The following ULK2 variants were observed in gnomAD, a reference collection of about 807,000 sequenced individuals.
ULK2 encodes the protein unc-51 like autophagy activating kinase 2.
A neutral mutation model predicts 127.5 loss-of-function variants in ULK2; 76 were observed. The observed-to-expected ratio is 0.60, with a 90% CI of 0.50 to 0.72. ULK2 has a LOEUF of 0.72. Ranked by LOEUF, ULK2 falls within the 30% of genes least tolerant of loss-of-function variation. The pLI, the probability that ULK2 is intolerant of heterozygous loss-of-function variation, is 0.00. For missense variants in ULK2, 1,144 were observed against 1,295.9 expected (o/e 0.88, Z 1.80); for synonymous variants, 452 against 461.9 (o/e 0.98, Z 0.28).
Position 19,855,037 on chromosome 17 carries a change from T to C in ULK2, c.226-5263A>G, listed in dbSNP as rs1597816464. 6.0e-5 allele frequency among the ~76,000 whole-genome samples: 9 copies of C among 149,638 alleles called. No homozygotes were observed. The South Asian group carries it at 1.9e-3, about 32-fold the overall frequency. On this transcript the variant is annotated intron_variant, in intron 3 of 26. Coordinates refer to ENST00000395544, the MANE Select transcript of ULK2 (RefSeq NM_014683.4). ...ATTGCTTGAACCCAGGAAGCAGAGG[T>C]TGCAGTGAGCTGAGAGTGCGCCACT...
At chr17:19,865,851 C>T (rs767865506) in intron 1 of ULK2, 23 bp from the exon 2 acceptor site, 24 of 1,374,716 alleles carry the variant, frequency 1.7e-5, no homozygotes, top group Middle Eastern at 1.8e-4. Context: ...AACAGTGTTA[C>T]TCCTAGATAC....
At chr17:19,841,598 C>G in intron 8 of ULK2, 51 bp from the exon 9 acceptor site, 1 of 1,414,384 alleles carries the variant, frequency 7.1e-7, no homozygotes, top group Non-Finnish European at 9.5e-7. Context: ...GCAAAACTTT[C>G]AAATCATATG....
intron 9 of ULK2, chr17:19,840,273 C>T: frequency 1.9e-6 from 1 of 525,008 alleles, no homozygotes; most frequent in Non-Finnish European, 3.9e-6. Flanking sequence ...GTACCTGCTT[C>T]AGTACAACAA....
chr17:19,813,870 T>C (rs1439962792), intron 13 of ULK2, among the ~76,000 whole-genome samples: 1 of 152,216 alleles, frequency 6.6e-6, no homozygotes, highest in Admixed American at 6.5e-5. Flanking sequence ...TGCCTGTCCT[T>C]GAATAGGTCA....
intron 20 of ULK2, among the ~76,000 whole-genome samples, chr17:19,789,538 T>A (rs1216230533): frequency 6.6e-6 from 1 of 152,072 alleles, no homozygotes; most frequent in African/African-American, 2.4e-5. Context: ...AACATGAACT[T>A]ACCAAGTGAA....
In ULK2 at chr17:19,783,821, G is replaced by A. The variant is rs2086971062; in HGVS notation, c.2336C>T (p.Ser779Phe). 5 of 1,603,026 alleles carry A rather than the reference G, an allele frequency of 3.1e-6. No homozygotes were observed. Among genetic ancestry groups the A allele is most frequent in the Non-Finnish European group, 4.3e-6 (5 of 1,174,648 alleles). Residue 779 changes from serine to phenylalanine, a missense_variant, in exon 22 of 27, where the codon TCT becomes TTT. By Grantham distance (155) the Ser-to-Phe change is radical. Coordinates refer to ENST00000395544, the MANE Select transcript of ULK2 (RefSeq NM_014683.4). ...VGSPPGPGFG[S>F]SPPGAEAAPS... ...AGCTGCCTCTGCTCCTGGAGGGGAA[G>A]AGCCGAAGCCTGGGCCAGGCGGGGA...
intron 9 of ULK2, chr17:19,840,170 C>T (rs2041707178): frequency 4.2e-6 from 2 of 474,006 alleles, no homozygotes; most frequent in Non-Finnish European, 4.3e-6. Context: ...CCACTGTGCC[C>T]CCGACCCTCA....
In ULK2 at chr17:19,825,110, C is replaced by T. The variant is rs747326810; in HGVS notation, c.908G>A (p.Arg303His). The T allele has an allele frequency of 3.3e-5, 54 of 1,613,926 alleles. No individual in the cohort carries two copies. The South Asian group carries it at 3.7e-4, about 11-fold the overall frequency. ...GTAACTTACTGGTGGAGAAGCAAAA[C>T]GACAAGATGGAGAGCTGCCACAGGA... ...GSSCGSSPSC[R>H]FASPPSLPDM... is the part of the protein sequence containing the mutation. Residue 303 changes from arginine (R) to histidine (H), a missense_variant, in exon 12 of 27, where the codon CGT becomes CAT. Arg to His is a conservative substitution (Grantham distance 29). Coordinates refer to ENST00000395544, the MANE Select transcript of ULK2 (RefSeq NM_014683.4).
chr17:19,807,287 C>T, intron 14 of ULK2, among the ~76,000 whole-genome samples: 1 of 152,140 alleles, frequency 6.6e-6, no homozygotes, highest in East Asian at 1.9e-4. Context: ...AGGCACACAG[C>T]TTGCAAGGTT....
At chr17:19,832,595 A>C (rs1441115953) in intron 10 of ULK2, among the ~76,000 whole-genome samples, 1 of 152,158 alleles carries the variant, frequency 6.6e-6, no homozygotes, top group Non-Finnish European at 1.5e-5. Flanking sequence ...TCCCCAAGCC[A>C]CACACAGATC....
At chr17:19,834,625 T>C (rs1448032093) in intron 10 of ULK2, among the ~76,000 whole-genome samples, 1 of 151,802 alleles carries the variant, frequency 6.6e-6, no homozygotes, top group East Asian at 1.9e-4. Context: ...AAAATAGTAA[T>C]CTAAGGCTGG....
At chr17:19,866,486 C>A (rs964305491) in intron 1 of ULK2, among the ~76,000 whole-genome samples, 8 of 151,830 alleles carry the variant, frequency 5.3e-5, no homozygotes, top group African/African-American at 9.7e-5. Flanking sequence ...CCAGCCTCGG[C>A]GACAAAGCGA....
Position 19,846,837 on chromosome 17 carries a change from G to A in ULK2, c.369C>T (p.His123=). The change falls in exon 6 of 27, where the codon CAC becomes CAT. Residue 123 remains histidine (H), a synonymous_variant. Transcript: ENST00000395544. ...HQIAAAMRIL[H]SKGIIHRDLK... ...GATCTCTGTGGATGATTCCTTTGCT[G>A]TGCAGGATTCGCATGGCAGCAGCAA... The A allele has an allele frequency of 6.2e-7, 1 of 1,613,982 alleles. No homozygotes were observed. Among genetic ancestry groups the A allele is most frequent in the Non-Finnish European group, 8.5e-7 (1 of 1,179,952 alleles).
intron 13 of ULK2, among the ~76,000 whole-genome samples, chr17:19,812,011 A>C (rs2152388881): frequency 6.6e-6 from 1 of 152,308 alleles, no homozygotes; most frequent in Admixed American, 6.5e-5. Context: ...AGCCACCAAA[A>C]TTTGGAAGGT....
chr17:19,853,257 C>A (rs554530439), intron 3 of ULK2, among the ~76,000 whole-genome samples: 115 of 151,534 alleles, frequency 7.6e-4, no homozygotes, highest in Non-Finnish European at 5.9e-5. Context: ...GCCTCAGCAC[C>A]CCCGAGTAGC....
At chr17:19,806,493 C>T (rs561297581) in intron 14 of ULK2, among the ~76,000 whole-genome samples, 1 of 152,286 alleles carries the variant, frequency 6.6e-6, no homozygotes, top group East Asian at 1.9e-4. Context: ...GGTTCCTCCC[C>T]CTACCAGCAT....
Position 19,783,694 on chromosome 17 carries a change from T to C in ULK2, c.2460+3A>G, listed in dbSNP as rs1447506901. ...ATTCACACCACTATAGTCTCTTTTC[T>C]ACCTCCATCAGCGTCTCCTCCGGCA... On this transcript the variant is annotated splice_donor_region_variant and intron_variant, in intron 22 of 26. Coordinates refer to ENST00000395544, the MANE Select transcript of ULK2 (RefSeq NM_014683.4). 2 of 1,509,230 alleles carry C rather than the reference T, an allele frequency of 1.3e-6. No individual in the cohort carries two copies. Among genetic ancestry groups the C allele is most frequent in the East Asian group, 2.4e-5 (1 of 41,534 alleles). The allele number at this position is 1,509,230 out of a possible 1,614,324, so 93.5% of individuals were successfully genotyped here. A position where few individuals can be genotyped will look rare whatever the true frequency, so the allele number is the denominator to read the frequency against.
At chr17:19,776,778 C>CAGCA (rs1363208198) in intron 26 of ULK2, among the ~76,000 whole-genome samples, 1 of 152,190 alleles carries the variant, frequency 6.6e-6, no homozygotes, top group African/African-American at 2.4e-5. Flanking sequence ...AATCTCCAGT[C>CAGCA]TGCTATCTAT....
intron 20 of ULK2, among the ~76,000 whole-genome samples, chr17:19,793,441 A>G (rs1567680667): frequency 6.6e-6 from 1 of 152,240 alleles, no homozygotes; most frequent in African/African-American, 2.4e-5. Context: ...CGACCACTGA[A>G]TAGCCCATCC....
Sources: allele counts gnomAD v4.1 joint callset (sites outside exome capture counted in the v4.1 genomes callset), GRCh38; gene constraint gnomAD v4.1.1; transcripts MANE v1.5; gene names NCBI Gene and HGNC (gene_info 2026-07-23, HGNC 2026-07-21).